SLCO1A2: variants seen among roughly 807,000 people sequenced by gnomAD.
SLCO1A2 encodes solute carrier organic anion transporter family member 1A2, also known as OATP-1.
A neutral mutation model predicts 69.0 loss-of-function variants in SLCO1A2; 67 were observed. The ratio of observed to expected loss-of-function variants is 0.97; its 90% confidence interval spans 0.80 to 1.19. The LOEUF is 1.19. Among genes scored for constraint, SLCO1A2 ranks in the 50% most tolerant of loss-of-function variants. The pLI is 0.00. For missense variants in SLCO1A2, 787 were observed against 793.7 expected, an observed-to-expected ratio of 0.99 and a Z score of 0.10; for synonymous variants, 260 against 265.9, an observed-to-expected ratio of 0.98 and a Z score of 0.22.
rs3060712 is a variant in SLCO1A2, at chr12:21,408,713, CGTGTGTGT to C, written c.-312+9161_-312+9168del. Among the ~76,000 whole-genome samples the C allele has an allele frequency of 7.3e-3, 1,090 of 150,252 alleles. 7 individuals are homozygous for C. Among genetic ancestry groups the C allele is most frequent in the African/African-American group, 0.019 (774 of 40,914 alleles). On this transcript the variant is annotated intron_variant, in intron 1 of 4. Transcript: ENST00000413682. ...AGATGTTTGGCTGCCTCAGCGCATG[CGTGTGTGT>C]GTGTGTGTGTGTGTGTGTGTGTGTG...
intron 2 of SLCO1A2, among the ~76,000 whole-genome samples, chr12:21,371,154 T>A (rs1288524673): frequency 6.6e-6 from 1 of 152,172 alleles, no homozygotes; most frequent in Non-Finnish European, 1.5e-5. Context: ...TTTTGGGTCA[T>A]CTGGTCATTG....
chr12:21,385,317 A>T (rs1010508707), intron 1 of SLCO1A2, among the ~76,000 whole-genome samples: 1 of 152,212 alleles, frequency 6.6e-6, no homozygotes, highest in Non-Finnish European at 1.5e-5. Flanking sequence ...CAAGCAACAG[A>T]TCTTGAGCAG....
intron 1 of SLCO1A2, among the ~76,000 whole-genome samples, chr12:21,413,237 CTTTTTTTTT>C (rs3983534): frequency 7.0e-5 from 7 of 99,432 alleles, no homozygotes; most frequent in Non-Finnish European, 1.3e-4. Context: ...TTTTCTTTTT[CTTTTTTTTT>C]TTTTTTTTTT....
intron 1 of SLCO1A2, among the ~76,000 whole-genome samples, chr12:21,403,125 G>A (rs542089697): frequency 5.3e-5 from 8 of 152,166 alleles, no homozygotes; most frequent in African/African-American, 1.7e-4. Context: ...AACATTATCC[G>A]GAATCATTTA....
intron 1 of SLCO1A2, among the ~76,000 whole-genome samples, chr12:21,377,170 T>C (rs908732968): frequency 3.3e-5 from 5 of 152,164 alleles, no homozygotes; most frequent in Admixed American, 6.5e-5. Flanking sequence ...ATTAATACCA[T>C]TGACATAAAA....
chr12:21,305,784 T>A (rs1314014375), intron 5 of SLCO1A2, among the ~76,000 whole-genome samples: 1 of 151,046 alleles, frequency 6.6e-6, no homozygotes, highest in Non-Finnish European at 1.5e-5. Context: ...CAGACATTTT[T>A]CAAATTTTTG....
At position 21,269,206 on chromosome 12, in the gene SLCO1A2, G is replaced by T. The variant is rs115732289; in HGVS notation, c.*342C>A. 1,423 of 163,764 alleles carry T rather than the reference G, an allele frequency of 8.7e-3. 19 individuals carry two copies. Among genetic ancestry groups the T allele is most frequent in the African/African-American group, 0.032 (1,354 of 41,988 alleles). 10.1% of individuals were successfully genotyped at this position (163,764 alleles called of 1,614,324 possible). On this transcript the variant is annotated 3_prime_UTR_variant, in exon 15 of 15. Coordinates refer to ENST00000683939, the MANE Select transcript of SLCO1A2 (RefSeq NM_001386879.1). ...AGAACAAATTTAGTGGAATTAAATA[G>T]GTTTTCATAACAGAAAATTTTTAGA...
chr12:21,397,781 C>A (rs1163407647), upstream of SLCO1A2, among the ~76,000 whole-genome samples: 2 of 130,570 alleles, frequency 1.5e-5, no homozygotes, highest in African/African-American at 5.9e-5. Context: ...CTACTGGGTA[C>A]ATAACGAAAT....
intron 2 of SLCO1A2, among the ~76,000 whole-genome samples, chr12:21,341,332 T>C (rs765898170): frequency 1.3e-5 from 2 of 152,072 alleles, no homozygotes; most frequent in Non-Finnish European, 2.9e-5. Flanking sequence ...TGGATAATCC[T>C]GTGGTTGATT....
At chr12:21,344,687 A>T (rs913343910) in intron 2 of SLCO1A2, among the ~76,000 whole-genome samples, 3 of 152,048 alleles carry the variant, frequency 2.0e-5, no homozygotes, top group Admixed American at 2.0e-4. Flanking sequence ...TATGCATAAG[A>T]GAAAGACAAG....
rs1213249424 is a variant in SLCO1A2, at chr12:21,300,480, C to T, written c.778G>A (p.Ala260Thr). 6.2e-7 allele frequency: 1 copy of T among 1,613,526 alleles called. No homozygotes were observed. The highest frequency in any genetic ancestry group is 8.5e-7 in the Non-Finnish European group (1 of 1,179,754). The change falls in exon 8 of 15, where the codon GCC becomes ACC. Residue 260 changes from alanine (A) to threonine (T), a missense_variant. By Grantham distance (58) the Ala-to-Thr change is moderately conservative. Transcript: ENST00000683939. ...TTGGGCAAAAAGAAAAAAGGAATGG[C>T]AGTGAGCACGTTAACTCCTGCACAA... ...LICAGVNVLT[A>T]IPFFFLPNTL... is the part of the protein sequence containing the mutation.
At chr12:21,394,589 A>C (rs1221897515) in intron 1 of SLCO1A2, among the ~76,000 whole-genome samples, 3 of 151,874 alleles carry the variant, frequency 2.0e-5, no homozygotes, top group African/African-American at 7.3e-5. Context: ...ACAACAAAAA[A>C]CAAAAAAAAA....
At chr12:21,284,080 G>C (rs1945283228) in intron 12 of SLCO1A2, among the ~76,000 whole-genome samples, 1 of 152,116 alleles carries the variant, frequency 6.6e-6, no homozygotes, top group South Asian at 2.1e-4. Flanking sequence ...ATACCCAAAA[G>C]AAAGGAAGTC....
chr12:21,386,081 A>T (rs1001445047), intron 1 of SLCO1A2, among the ~76,000 whole-genome samples: 4 of 152,188 alleles, frequency 2.6e-5, no homozygotes, highest in African/African-American at 9.7e-5. Context: ...AGTAAAATTT[A>T]AAATGTAAAG....
intron 1 of SLCO1A2, among the ~76,000 whole-genome samples, chr12:21,401,397 A>G (rs1412127503): frequency 1.3e-5 from 2 of 151,798 alleles, no homozygotes; most frequent in Non-Finnish European, 1.5e-5. Flanking sequence ...AACTTTAACA[A>G]AAATGTGCAA....
At chr12:21,368,208 A>T (rs73080814) in intron 2 of SLCO1A2, among the ~76,000 whole-genome samples, 6,758 of 152,270 alleles carry the variant, frequency 0.044, 215 homozygotes, top group Middle Eastern at 0.12. Flanking sequence ...TCTTACCAAA[A>T]TAATGGAAGC....
intron 4 of SLCO1A2, among the ~76,000 whole-genome samples, chr12:21,307,287 TTATTA>T (rs1949538351): frequency 6.6e-6 from 1 of 152,200 alleles, no homozygotes; most frequent in Admixed American, 6.5e-5. Flanking sequence ...CTGGATATAA[TTATTA>T]TGAGATAAGG....
intron 10 of SLCO1A2, chr12:21,294,943 A>C (rs889462046): frequency 6.6e-6 from 1 of 152,122 alleles, no homozygotes; most frequent in Non-Finnish European, 1.5e-5. Flanking sequence ...ATTTTGAAAA[A>C]ACATTTTAGG....
intron 2 of SLCO1A2, among the ~76,000 whole-genome samples, chr12:21,362,516 A>T (rs1938996342): frequency 6.6e-6 from 1 of 152,196 alleles, no homozygotes; most frequent in African/African-American, 2.4e-5. Context: ...ACCAGCTAAC[A>T]TCATAATGAC....
Sources: gnomAD v4.1 joint callset for allele counts (sites outside exome capture counted in the v4.1 genomes callset) on GRCh38, gnomAD v4.1.1 for gene constraint, MANE v1.5 for transcripts, NCBI Gene and HGNC (gene_info 2026-07-23, HGNC 2026-07-21) for gene names.